The following CCM2 variants were observed in gnomAD, a reference collection of about 807,000 sequenced individuals.
CCM2 encodes the protein CCM2 scaffold protein, also known as cerebral cavernous malformations 2 protein.
In CCM2, 25 loss-of-function variants were observed where a neutral mutation model predicts 44.9. The observed-to-expected ratio is 0.56, with a 90% CI of 0.41 to 0.78. CCM2 has a LOEUF of 0.78. CCM2 is among the 30% of genes least tolerant of loss of function. CCM2 has a pLI of 0.00. For synonymous variants in CCM2, 219 were observed against 241.1 expected (o/e 0.91, Z 0.85); for missense variants, 481 against 580.6 (o/e 0.83, Z 1.76).
chr7:45,059,318 C>T (rs1798414230), intron 2 of CCM2, among the ~76,000 whole-genome samples: 1 of 151,580 alleles, frequency 6.6e-6, no homozygotes, highest in Non-Finnish European at 1.5e-5. Flanking sequence ...CATGGTGGCT[C>T]ATGCCTGTAA....
At position 45,000,299 on chromosome 7, in the gene CCM2, G is replaced by T. The variant is rs1274314127; in HGVS notation, c.-35G>T. The T allele has an allele frequency of 1.6e-6, 2 of 1,239,280 alleles. 1 individual carries two copies. The highest frequency in any genetic ancestry group is 7.4e-5 in the South Asian group (2 of 27,084). 76.8% of individuals were successfully genotyped at this position (1,239,280 alleles called of 1,614,324 possible). A position where few individuals can be genotyped will look rare whatever the true frequency, so the allele number is the denominator to read the frequency against. On this transcript the variant is annotated 5_prime_UTR_variant, in exon 1 of 10. Coordinates refer to ENST00000258781, the MANE Select transcript of CCM2 (RefSeq NM_031443.4). Reference sequence around the variant, plus strand: ...CTGCTGGCGGCGGGGCTCCCGGGGCGGGCCGGGCGGGCCGCGGGAGCCGCA... The same window carrying T: ...CTGCTGGCGGCGGGGCTCCCGGGGCTGGCCGGGCGGGCCGCGGGAGCCGCA...
intron 2 of CCM2, among the ~76,000 whole-genome samples, chr7:45,054,953 ACTTTTT>A (rs1294224316): frequency 1.3e-5 from 2 of 152,246 alleles, no homozygotes; most frequent in Non-Finnish European, 2.9e-5. Flanking sequence ...TTAGAGCTGT[ACTTTTT>A]CTTTATTGAC....
intron 1 of CCM2, among the ~76,000 whole-genome samples, chr7:45,009,318 A>G (rs4992681): frequency 0.06 from 6,513 of 108,540 alleles, 445 homozygotes; most frequent in Admixed American, 0.14. Context: ...AAAAAAAAAA[A>G]AAAATTTTTG....
chr7:45,044,718 G>C (rs1251856554), intron 2 of CCM2, among the ~76,000 whole-genome samples: 1 of 152,184 alleles, frequency 6.6e-6, no homozygotes, highest in Admixed American at 6.5e-5. Flanking sequence ...AGGTAGGGAA[G>C]AGACATTAGT....
chr7:45,000,461 G>GC (rs1242998063), intron 1 of CCM2, 98 bp downstream of exon 1: 5 of 287,764 alleles, frequency 1.7e-5, no homozygotes, highest in South Asian at 2.0e-4. Flanking sequence ...GCCCGGGGGG[G>GC]GGGGCAGTGG....
Position 45,009,315 on chromosome 7 carries a change from A to AG in CCM2, c.30+8952_30+8953insG, listed in dbSNP as rs1467270934. On this transcript the variant is annotated intron_variant, in intron 1 of 9. Transcript: ENST00000258781. ...GCCTCTGTCTCAAAAAAAAAAAAAA[A>AG]AAAAAAATTTTTGAGTACACCAAAG... 1.8e-4 allele frequency among the ~76,000 whole-genome samples: 21 copies of AG among 119,420 alleles called. 2 individuals carry two copies. The highest frequency in any genetic ancestry group is 5.1e-4 in the Admixed American group (5 of 9,856). The allele number at this position is 119,420 out of a possible 152,430, so 78.3% of individuals were successfully genotyped here.
intron 4 of CCM2, chr7:45,067,502 C>T (rs1452588975): frequency 6.6e-6 from 1 of 152,128 alleles, no homozygotes; most frequent in Non-Finnish European, 1.5e-5. Context: ...CCCTCCGTAC[C>T]CAAAACATTA....
intron 1 of CCM2, among the ~76,000 whole-genome samples, chr7:45,030,718 A>G (rs1349466566): frequency 6.6e-6 from 1 of 151,772 alleles, no homozygotes; most frequent in African/African-American, 2.4e-5. Flanking sequence ...CCTGCCCTCA[A>G]TTTATTTTAT....
chr7:45,073,974 C>T (rs549163262), intron 8 of CCM2: 89 of 557,598 alleles, frequency 1.6e-4, no homozygotes, highest in South Asian at 1.0e-3. Context: ...GCATTGGCCC[C>T]GGGCCAGGTT....
chr7:45,038,151 G>T (rs1198204326), intron 1 of CCM2, 102 bp from the exon 2 acceptor site: 29 of 1,356,488 alleles, frequency 2.1e-5, no homozygotes, highest in Non-Finnish European at 3.0e-5. Flanking sequence ...TGTTGCATGG[G>T]GGCCATGGTA....
intron 2 of CCM2, among the ~76,000 whole-genome samples, chr7:45,045,159 G>T (rs1346741775): frequency 6.6e-6 from 1 of 151,920 alleles, no homozygotes; most frequent in Non-Finnish European, 1.5e-5. Flanking sequence ...TATCGTTATA[G>T]CTGCTAGGTG....
At chr7:45,007,435 A>G (rs1795891037) in intron 1 of CCM2, among the ~76,000 whole-genome samples, 2 of 152,328 alleles carry the variant, frequency 1.3e-5, no homozygotes, top group South Asian at 2.1e-4. Context: ...TTCTACAGGT[A>G]TGAGGGAGTT....
At chr7:45,042,960 T>C (rs919103615) in intron 2 of CCM2, among the ~76,000 whole-genome samples, 14 of 125,474 alleles carry the variant, frequency 1.1e-4, no homozygotes, top group South Asian at 2.8e-4. Flanking sequence ...TTCTCTTCTC[T>C]TCTTCTTCTT....
intron 1 of CCM2, among the ~76,000 whole-genome samples, chr7:45,004,418 G>T (rs1795763990): frequency 1.3e-5 from 2 of 152,170 alleles, no homozygotes; most frequent in African/African-American, 4.8e-5. Context: ...CTACTTTTAT[G>T]TATTTTTGAG....
At chr7:45,061,067 C>G (rs1798496389) in intron 2 of CCM2, among the ~76,000 whole-genome samples, 1 of 152,106 alleles carries the variant, frequency 6.6e-6, no homozygotes, top group African/African-American at 2.4e-5. Flanking sequence ...CCTGTGTATC[C>G]TTGTTTTTGT....
chr7:45,012,992 T>G (rs900918439), intron 1 of CCM2, among the ~76,000 whole-genome samples: 1 of 152,228 alleles, frequency 6.6e-6, no homozygotes. Context: ...TTGTGAAGTT[T>G]ACATAATTGA....
chr7:45,030,816 C>G (rs934079823), intron 1 of CCM2, among the ~76,000 whole-genome samples: 1 of 152,082 alleles, frequency 6.6e-6, no homozygotes, highest in African/African-American at 2.4e-5. Context: ...TGCTACCTCC[C>G]AGGTTCAAGC....
At chr7:45,025,016 G>A (rs2128720534) in intron 1 of CCM2, among the ~76,000 whole-genome samples, 1 of 152,132 alleles carries the variant, frequency 6.6e-6, no homozygotes, top group Non-Finnish European at 1.5e-5. Flanking sequence ...CAGCTTCTGT[G>A]GCCTTTAATT....
intron 9 of CCM2, among the ~76,000 whole-genome samples, chr7:45,075,266 C>A (rs1204077822): frequency 6.6e-6 from 1 of 152,250 alleles, no homozygotes; most frequent in Non-Finnish European, 1.5e-5. Context: ...CTGAGAGACA[C>A]ACTAGGCTTC....
Sources: allele counts gnomAD v4.1 joint callset (sites outside exome capture counted in the v4.1 genomes callset), GRCh38; gene constraint gnomAD v4.1.1; transcripts MANE v1.5; gene names NCBI Gene and HGNC (gene_info 2026-07-23, HGNC 2026-07-21).